CAPN14: variants seen among roughly 807,000 people sequenced by gnomAD.
CAPN14 encodes the protein calpain 14, also known as calpain-14.
In CAPN14, 94 loss-of-function variants were observed where a neutral mutation model predicts 101.3. The observed-to-expected ratio is 0.93, with a 90% CI of 0.79 to 1.10. The LOEUF (loss-of-function observed/expected upper bound fraction) is 1.10, where lower values mean the gene tolerates loss of function less well. CAPN14 is among the 50% of genes least tolerant of loss of function. The pLI is 0.00. For synonymous variants in CAPN14, 338 were observed against 317.9 expected (o/e 1.06, Z -0.67); for missense variants, 837 against 828.4 (o/e 1.01, Z -0.13).
chr2:31,195,894 T>C (rs573087411), intron 8 of CAPN14, among the ~76,000 whole-genome samples: 26 of 152,104 alleles, frequency 1.7e-4, no homozygotes, highest in Non-Finnish European at 3.7e-4. Context: ...CAATAAAAAG[T>C]TATTAGCCAT....
chr2:31,202,645 G>A (rs1320293477), intron 3 of CAPN14, among the ~76,000 whole-genome samples: 1 of 152,134 alleles, frequency 6.6e-6, no homozygotes, highest in Non-Finnish European at 1.5e-5. Flanking sequence ...GGGTATCACT[G>A]GACTTGGCTG....
At chr2:31,187,871 G>T in intron 14 of CAPN14, 57 bp from the exon 15 acceptor site, 1 of 1,335,846 alleles carries the variant, frequency 7.5e-7, no homozygotes, top group Non-Finnish European at 1.0e-6. Context: ...ACGGACTTTC[G>T]TGCACACCCT....
In CAPN14 at chr2:31,174,231, G is replaced by C. The variant is rs910695473; in HGVS notation, c.*450C>G. On this transcript the variant is annotated 3_prime_UTR_variant, in exon 22 of 22. Coordinates refer to ENST00000403897, the MANE Select transcript of CAPN14 (RefSeq NM_001145122.2). ...GTCTCTATCAATTTGCAGATGCTGGGACTAAATGTCTAAGGATATATCATT... is the reference window on the plus strand; with the variant it reads ...GTCTCTATCAATTTGCAGATGCTGGCACTAAATGTCTAAGGATATATCATT... 3 of 186,318 alleles carry C rather than the reference G, an allele frequency of 1.6e-5. No homozygotes were observed. In the Admixed American group the frequency reaches 1.7e-4, roughly 11 times the overall value. 11.5% of individuals were successfully genotyped at this position (186,318 alleles called of 1,614,324 possible).
chr2:31,197,839 C>G (rs780246529), intron 7 of CAPN14, among the ~76,000 whole-genome samples: 14 of 152,268 alleles, frequency 9.2e-5, no homozygotes, highest in Admixed American at 2.0e-4. Context: ...CCTGGAGCCA[C>G]TGGAAGGTGG....
intron 8 of CAPN14, among the ~76,000 whole-genome samples, chr2:31,196,569 C>A (rs535079479): frequency 1.3e-5 from 2 of 148,440 alleles, no homozygotes; most frequent in Admixed American, 6.9e-5. Context: ...CGTTTGTAGA[C>A]TCTGAAGACC....
intron 16 of CAPN14, among the ~76,000 whole-genome samples, chr2:31,185,182 G>C (rs1315497342): frequency 1.3e-5 from 2 of 152,036 alleles, no homozygotes; most frequent in African/African-American, 4.8e-5. Context: ...TAAAAATTGG[G>C]GAAATGAACA....
At chr2:31,221,969 G>C (rs187258063), upstream of CAPN14, among the ~76,000 whole-genome samples, 77 of 152,286 alleles carry the variant, frequency 5.1e-4, no homozygotes, top group African/African-American at 1.7e-3. Context: ...ACTGTGTCTA[G>C]CATGGATGCC....
In CAPN14 at chr2:31,201,927, C is replaced by G; in HGVS notation, c.486G>C (p.Leu162=). The G allele has an allele frequency of 6.4e-7, 1 of 1,551,712 alleles. No homozygotes were observed. Among genetic ancestry groups the G allele is most frequent in the South Asian group, 1.2e-5 (1 of 84,064 alleles). Residue 162 remains leucine (L), a synonymous_variant, in exon 5 of 22, where the codon CTG becomes CTC. Transcript: ENST00000403897. ...DRLPVNEAGQ[L]VFVSSTYKNL... is the part of the protein sequence containing the mutation. ...TCTTATAGGTGGAGGAGACAAAGACCAGCTGGCCAGCCTCATTCACAGGCA... is the reference window on the plus strand; with the variant it reads ...TCTTATAGGTGGAGGAGACAAAGACGAGCTGGCCAGCCTCATTCACAGGCA...
At chr2:31,215,415 C>T (rs777882640) in intron 1 of CAPN14, among the ~76,000 whole-genome samples, 8 of 152,302 alleles carry the variant, frequency 5.3e-5, no homozygotes, top group South Asian at 2.1e-4. Context: ...CTCAAAACCA[C>T]ACAGCTCATG....
intron 5 of CAPN14, among the ~76,000 whole-genome samples, chr2:31,201,419 G>C (rs1032773254): frequency 1.3e-5 from 2 of 152,164 alleles, no homozygotes; most frequent in East Asian, 3.9e-4. Flanking sequence ...TGGATCCCCT[G>C]CTGCTACTCC....
In CAPN14 at chr2:31,197,232, A is replaced by G; in HGVS notation, c.875+17T>C. On this transcript the variant is annotated intron_variant, in intron 8 of 21. Transcript: ENST00000403897. ...ACCTACCTGTTCTCACCCCTCCAAG[A>G]TGTCCCCAAAGTTCACCTGTCACTC... 1 of 1,536,530 alleles carries G rather than the reference A, an allele frequency of 6.5e-7. No individual in the cohort carries two copies.
intron 1 of CAPN14, among the ~76,000 whole-genome samples, chr2:31,229,873 T>C (rs1443959774): frequency 3.3e-5 from 5 of 152,308 alleles, no homozygotes; most frequent in Admixed American, 2.6e-4. Context: ...TATGCATCCA[T>C]GAACAACAGA....
intron 1 of CAPN14, among the ~76,000 whole-genome samples, chr2:31,211,461 G>A (rs1682399237): frequency 6.6e-6 from 1 of 151,966 alleles, no homozygotes; most frequent in Non-Finnish European, 1.5e-5. Flanking sequence ...GAACTAACTA[G>A]AAAATGTATT....
At chr2:31,205,012 A>G (rs969359647) in intron 2 of CAPN14, among the ~76,000 whole-genome samples, 6 of 152,182 alleles carry the variant, frequency 3.9e-5, no homozygotes, top group African/African-American at 1.2e-4. Flanking sequence ...ATTAAATTTC[A>G]TTACAGAATA....
chr2:31,194,810 C>T lies in CAPN14; in HGVS notation c.876-327G>A, dbSNP rs372401056. On this transcript the variant is annotated intron_variant, in intron 8 of 21. Coordinates refer to ENST00000403897, the MANE Select transcript of CAPN14 (RefSeq NM_001145122.2). ...TTAAACGTCAGAGCTAACATTTGAA[C>T]TTGCATTTTTCAAAGCTCATCATTT... Among the ~76,000 whole-genome samples the T allele has an allele frequency of 2.2e-4, 34 of 152,310 alleles. No individual in the cohort carries two copies. In the South Asian group the frequency reaches 2.3e-3, roughly 10 times the overall value.
upstream of CAPN14, among the ~76,000 whole-genome samples, chr2:31,219,531 C>T (rs991136629): frequency 2.6e-5 from 4 of 152,160 alleles, no homozygotes; most frequent in African/African-American, 9.7e-5. Flanking sequence ...TTTACTTTCC[C>T]GTGGAAACAA....
chr2:31,225,255 C>G (rs1277714688), intron 2 of CAPN14, among the ~76,000 whole-genome samples: 1 of 151,912 alleles, frequency 6.6e-6, no homozygotes, highest in Non-Finnish European at 1.5e-5. Flanking sequence ...TCATTTCTCA[C>G]TTCCCAAATT....
At chr2:31,194,608 C>T in intron 8 of CAPN14, 125 bp from the exon 9 acceptor site, 2 of 665,802 alleles carry the variant, frequency 3.0e-6, no homozygotes, top group Admixed American at 5.0e-5. Flanking sequence ...TTTCCCATTC[C>T]ATATTATACA....
At chr2:31,229,460 T>C (rs953077338) in intron 1 of CAPN14, among the ~76,000 whole-genome samples, 3 of 151,966 alleles carry the variant, frequency 2.0e-5, no homozygotes, top group African/African-American at 4.8e-5. Context: ...AAGTATTCAC[T>C]ATCAAATTTG....
Sources: gnomAD v4.1 joint callset for allele counts (sites outside exome capture counted in the v4.1 genomes callset) on GRCh38, gnomAD v4.1.1 for gene constraint, MANE v1.5 for transcripts, NCBI Gene and HGNC (gene_info 2026-07-23, HGNC 2026-07-21) for gene names.